The following KDM1A variants were observed in gnomAD, a reference collection of about 807,000 sequenced individuals.
KDM1A encodes the protein lysine demethylase 1A, also known as lysine-specific histone demethylase 1A.
A neutral mutation model predicts 109.4 loss-of-function variants in KDM1A; 49 were observed. The ratio of observed to expected loss-of-function variants is 0.45; its 90% CI spans 0.36 to 0.57. The LOEUF (loss-of-function observed/expected upper bound fraction) is 0.57. Ranked by LOEUF, KDM1A falls within the 20% of genes least tolerant of loss-of-function variation. The pLI is 0.00. For synonymous variants in KDM1A, 380 were observed against 415.4 expected, an observed-to-expected ratio of 0.91 and a Z score of 1.04; for missense variants, 668 against 1,116.6, an observed-to-expected ratio of 0.60 and a Z score of 5.73.
intron 2 of KDM1A, among the ~76,000 whole-genome samples, chr1:23,042,440 A>T (rs867736941): frequency 0.013 from 285 of 21,522 alleles, 3 homozygotes; most frequent in South Asian, 0.044. Context: ...GAAATATATT[A>T]TTTTTTTTTT....
chr1:23,053,738 C>T (rs752051384), intron 4 of KDM1A, 23 bp from the exon 5 acceptor site: 2 of 1,509,182 alleles, frequency 1.3e-6, no homozygotes, highest in Admixed American at 1.7e-5. Flanking sequence ...GTATGTAATA[C>T]AATTTATGTC....
intron 1 of KDM1A, 43 bp from the exon 2 acceptor site, chr1:23,030,426 A>G: frequency 7.2e-7 from 1 of 1,383,818 alleles, no homozygotes; most frequent in Non-Finnish European, 9.5e-7. Flanking sequence ...CTAATTTTAA[A>G]TGTTCACTGC....
intron 6 of KDM1A, 47 bp downstream of exon 6, chr1:23,055,208 G>A (rs375571541): frequency 1.2e-5 from 14 of 1,143,738 alleles, no homozygotes; most frequent in South Asian, 2.7e-5. Flanking sequence ...TTTAAGTTAC[G>A]GTTTCAGGAC....
At chr1:23,053,075 C>T (rs990024306) in intron 4 of KDM1A, among the ~76,000 whole-genome samples, 2 of 152,160 alleles carry the variant, frequency 1.3e-5, no homozygotes, top group Non-Finnish European at 2.9e-5. Context: ...AGATGTTGTC[C>T]TTGACACCTT....
At chr1:23,033,674 C>T (rs1008136066) in intron 2 of KDM1A, among the ~76,000 whole-genome samples, 2 of 152,126 alleles carry the variant, frequency 1.3e-5, no homozygotes, top group African/African-American at 4.8e-5. Context: ...TATGAAAGCA[C>T]AAGGTATTCT....
At chr1:23,058,506 A>G (rs1375242750) in intron 8 of KDM1A, among the ~76,000 whole-genome samples, 1 of 152,126 alleles carries the variant, frequency 6.6e-6, no homozygotes, top group Non-Finnish European at 1.5e-5. Flanking sequence ...ATGAGCCACA[A>G]CGCCCGGCCT....
chr1:23,020,014 T>C, intron 1 of KDM1A, 67 bp downstream of exon 1: 10 of 1,380,778 alleles, frequency 7.2e-6, no homozygotes, highest in Non-Finnish European at 9.4e-6. Context: ...TTCTCCGCCC[T>C]CCCCCGCCGC....
At chr1:23,065,826 CT>C (rs1219925505) in intron 9 of KDM1A, among the ~76,000 whole-genome samples, 1 of 152,018 alleles carries the variant, frequency 6.6e-6, no homozygotes, top group Non-Finnish European at 1.5e-5. Context: ...ACTCCCCTGT[CT>C]TTTGTTAACT....
chr1:23,024,385 A>T (rs1641733367), intron 1 of KDM1A, among the ~76,000 whole-genome samples: 2 of 152,228 alleles, frequency 1.3e-5, no homozygotes, highest in Non-Finnish European at 2.9e-5. Flanking sequence ...AGGCCAGTAT[A>T]GATAGGCCAT....
At chr1:23,030,404 C>T in intron 1 of KDM1A, 65 bp from the exon 2 acceptor site, 1 of 1,234,156 alleles carries the variant, frequency 8.1e-7, no homozygotes, top group Non-Finnish European at 1.1e-6. Context: ...CTGATGGTTC[C>T]AAATAGAGTC....
intron 8 of KDM1A, 33 bp from the exon 9 acceptor site, chr1:23,059,040 C>A: frequency 7.2e-7 from 1 of 1,385,402 alleles, no homozygotes; most frequent in Non-Finnish European, 1.0e-6. Context: ...CTTCATAGGT[C>A]TATTGAATTT....
At chr1:23,055,361 AT>A (rs1642802140) in intron 6 of KDM1A, 200 bp downstream of exon 6, 1 of 294,162 alleles carries the variant, frequency 3.4e-6, no homozygotes, top group Admixed American at 4.9e-5. Flanking sequence ...ATAAATGTGC[AT>A]TTCCCTTAAT....
intron 3 of KDM1A, among the ~76,000 whole-genome samples, chr1:23,045,540 A>G (rs1305499045): frequency 6.6e-6 from 1 of 152,230 alleles, no homozygotes; most frequent in Non-Finnish European, 1.5e-5. Context: ...TCTGTGGCAT[A>G]TAAACCTTGA....
In KDM1A at chr1:23,019,940, G is replaced by A. The variant is rs1557484207; in HGVS notation, c.344G>A (p.Arg115Gln). ...PEGRRTSRRK[R>Q]AKVEYREMDE... ...GGGCGTCGGACCAGCCGGCGCAAGCGGGCGAAGGTAAGGCTCGACCCTTCC... is the reference window on the plus strand; with the variant it reads ...GGGCGTCGGACCAGCCGGCGCAAGCAGGCGAAGGTAAGGCTCGACCCTTCC... The change falls in exon 1 of 21, where the codon CGG (arginine) becomes CAG (glutamine). Residue 115 changes from arginine to glutamine, a missense_variant. By Grantham distance (43) the Arg-to-Gln change is conservative. This residue lies in a region of KDM1A where 15 missense variants were observed against 52.7 expected (regional missense o/e 0.28). Coordinates refer to ENST00000400181, the MANE Select transcript of KDM1A (RefSeq NM_001009999.3). 1.3e-6 allele frequency: 2 copies of A among 1,564,990 alleles called. No homozygotes were observed. The highest frequency in any genetic ancestry group is 1.8e-5 in the Admixed American group (1 of 54,206).
chr1:23,039,362 T>C (rs1219045453), intron 2 of KDM1A, among the ~76,000 whole-genome samples: 1 of 152,238 alleles, frequency 6.6e-6, no homozygotes, highest in Non-Finnish European at 1.5e-5. Flanking sequence ...TACTGTCACC[T>C]TTTTCTAGTG....
At chr1:23,081,412 G>A in intron 18 of KDM1A, 34 bp from the exon 19 acceptor site, 1 of 1,611,024 alleles carries the variant, frequency 6.2e-7, no homozygotes, top group Middle Eastern at 1.7e-4. Flanking sequence ...AAGTCTGTAG[G>A]AAAACCCTAG....
intron 1 of KDM1A, among the ~76,000 whole-genome samples, chr1:23,021,524 C>T (rs1435298112): frequency 2.0e-5 from 3 of 151,994 alleles, no homozygotes; most frequent in Admixed American, 6.6e-5. Context: ...ATTAGCCGGG[C>T]GTGGTGGCGG....
At position 23,019,746 on chromosome 1, in the gene KDM1A, C is replaced by G. The variant is rs1048871716; in HGVS notation, c.150C>G (p.Val50=). 9 of 1,334,556 alleles carry G rather than the reference C, an allele frequency of 6.7e-6. No individual in the cohort carries two copies. Among genetic ancestry groups the G allele is most frequent in the Non-Finnish European group, 8.6e-6 (9 of 1,040,784 alleles). The allele number at this position is 1,334,556 out of a possible 1,614,324, so 82.7% of individuals were successfully genotyped here. ...QPAGLSGPAE[V]GPGAVGERTP... is the part of the protein sequence containing the mutation. The stretch of plus-strand genomic sequence containing the variant: ...CGGGCCTGTCGGGCCCAGCCGAGGT[C>G]GGGCCGGGGGCGGTGGGGGAGCGCA... Residue 50 remains valine (V), a synonymous_variant, in exon 1 of 21, where the codon GTC becomes GTG. Coordinates refer to ENST00000400181, the MANE Select transcript of KDM1A (RefSeq NM_001009999.3).
chr1:23,074,701 T>C (rs2124527340), intron 15 of KDM1A, among the ~76,000 whole-genome samples: 1 of 152,362 alleles, frequency 6.6e-6, no homozygotes, highest in Non-Finnish European at 1.5e-5. Context: ...TATGTTTAGG[T>C]CTATACTCCA....
Sources: allele counts gnomAD v4.1 joint callset (sites outside exome capture counted in the v4.1 genomes callset), GRCh38; gene constraint gnomAD v4.1.1; regional missense constraint gnomAD v4.1.1; transcripts MANE v1.5; gene names NCBI Gene and HGNC (gene_info 2026-07-23, HGNC 2026-07-21).